The following RBFOX1 variants were observed in gnomAD, a reference collection of about 807,000 sequenced individuals.
The protein encoded by RBFOX1 is RNA binding protein fox-1 homolog 1.
In RBFOX1, 8 loss-of-function variants were observed where a neutral mutation model predicts 57.7. That is an observed-to-expected ratio of 0.14 (90% confidence interval 0.08 to 0.25). The LOEUF is 0.25. RBFOX1 is among the 10% of genes least tolerant of loss of function. The probability of loss-of-function intolerance (pLI) is 1.00; values close to 1 mark genes in which losing one functional copy is unlikely to be tolerated. For missense variants in RBFOX1, 611 were observed against 548.5 expected (o/e 1.11, Z -1.14); for synonymous variants, 326 against 222.4 (o/e 1.47, Z -4.15).
chr16:7,354,357 T>G (rs2097178326), intron 4 of RBFOX1, among the ~76,000 whole-genome samples: 2 of 152,242 alleles, frequency 1.3e-5, no homozygotes, highest in Admixed American at 1.3e-4. Flanking sequence ...TGTCATCAAA[T>G]TCTTTCTATT....
At chr16:6,829,361 G>A (rs1347892986) in intron 3 of RBFOX1, among the ~76,000 whole-genome samples, 2 of 151,220 alleles carry the variant, frequency 1.3e-5, no homozygotes, top group African/African-American at 4.9e-5. Flanking sequence ...TAAATTCAAT[G>A]TGTACACACA....
intron 1 of RBFOX1, among the ~76,000 whole-genome samples, chr16:5,454,617 A>T (rs1389092373): frequency 6.6e-6 from 1 of 152,162 alleles, no homozygotes; most frequent in Non-Finnish European, 1.5e-5. Context: ...TGGCCCTTGG[A>T]CTTGAACTAT....
At chr16:5,315,368 C>G (rs2064208025) in intron 1 of RBFOX1, among the ~76,000 whole-genome samples, 1 of 152,152 alleles carries the variant, frequency 6.6e-6, no homozygotes, top group Admixed American at 6.5e-5. Context: ...TAAATGGAGA[C>G]AGGGATGTGC....
intron 4 of RBFOX1, among the ~76,000 whole-genome samples, chr16:7,203,763 G>A (rs1445812173): frequency 2.0e-5 from 3 of 152,018 alleles, no homozygotes; most frequent in Non-Finnish European, 4.4e-5. Flanking sequence ...ACTCTTTCTC[G>A]AAATCTCCTC....
intron 2 of RBFOX1, among the ~76,000 whole-genome samples, chr16:6,585,603 G>C (rs2097598423): frequency 6.6e-6 from 1 of 152,078 alleles, no homozygotes; most frequent in Non-Finnish European, 1.5e-5. Flanking sequence ...CCAGTCTTGT[G>C]ATAGTGCTGT....
chr16:7,703,095 C>A (rs2081299695), intron 14 of RBFOX1, among the ~76,000 whole-genome samples: 1 of 146,906 alleles, frequency 6.8e-6, no homozygotes. Flanking sequence ...AAAGAGCATG[C>A]TTTTAGAACC....
At chr16:5,890,536 A>T (rs2058021963) in intron 4 of RBFOX1, among the ~76,000 whole-genome samples, 1 of 151,990 alleles carries the variant, frequency 6.6e-6, no homozygotes, top group African/African-American at 2.4e-5. Flanking sequence ...GTCTCTACTG[A>T]AAATAGAAAA....
intron 1 of RBFOX1, among the ~76,000 whole-genome samples, chr16:6,161,233 A>G (rs2096876355): frequency 6.6e-6 from 1 of 152,038 alleles, no homozygotes; most frequent in Admixed American, 6.6e-5. Flanking sequence ...TACTAAAAAT[A>G]CCAAAATTAG....
chr16:7,526,106 C>G (rs534026120), intron 5 of RBFOX1, among the ~76,000 whole-genome samples: 4 of 152,178 alleles, frequency 2.6e-5, no homozygotes, highest in Non-Finnish European at 4.4e-5. Context: ...AGCGTGAACC[C>G]TATTGTGAAC....
At chr16:6,529,601 A>G (rs2096628817) in intron 2 of RBFOX1, among the ~76,000 whole-genome samples, 1 of 151,720 alleles carries the variant, frequency 6.6e-6, no homozygotes, top group Non-Finnish European at 1.5e-5. Context: ...TATTTATCCT[A>G]AATGTAACAT....
At chr16:5,346,583 T>C (rs2065144850) in intron 1 of RBFOX1, among the ~76,000 whole-genome samples, 1 of 152,214 alleles carries the variant, frequency 6.6e-6, no homozygotes, top group African/African-American at 2.4e-5. Context: ...CTCTTGGATT[T>C]GTCATTTGCT....
At chr16:5,776,325 T>G (rs1014041132) in intron 3 of RBFOX1, among the ~76,000 whole-genome samples, 1 of 152,198 alleles carries the variant, frequency 6.6e-6, no homozygotes, top group Admixed American at 6.5e-5. Flanking sequence ...ACGCTTCCAC[T>G]CTGTGTGTTC....
chr16:7,446,162 C>G (rs1157964827), intron 4 of RBFOX1, among the ~76,000 whole-genome samples: 1 of 152,186 alleles, frequency 6.6e-6, no homozygotes, highest in African/African-American at 2.4e-5. Context: ...AGAGCATTGT[C>G]ATTGACAAAT....
chr16:5,555,796 C>T (rs1047803138), intron 2 of RBFOX1, among the ~76,000 whole-genome samples: 5 of 151,770 alleles, frequency 3.3e-5, no homozygotes, highest in East Asian at 2.0e-4. Flanking sequence ...CCTAGGTGGG[C>T]GGATCACCTG....
At chr16:7,518,479 A>C (rs1488307411) in intron 5 of RBFOX1, 90 bp downstream of exon 5, 11 of 1,498,514 alleles carry the variant, frequency 7.3e-6, no homozygotes, top group Non-Finnish European at 9.8e-6. Context: ...CCATCTACCC[A>C]GGGACTCTGG....
intron 3 of RBFOX1, among the ~76,000 whole-genome samples, chr16:6,992,986 C>T (rs191004582): frequency 1.3e-3 from 193 of 152,208 alleles, no homozygotes; most frequent in Middle Eastern, 6.8e-3. Flanking sequence ...AACATAAAGC[C>T]GAGAGCCTGA....
intron 4 of RBFOX1, among the ~76,000 whole-genome samples, chr16:5,911,700 G>T (rs973703862): frequency 6.6e-6 from 1 of 152,184 alleles, no homozygotes; most frequent in Non-Finnish European, 1.5e-5. Context: ...AGTCTGGGAA[G>T]TCCAGGATGA....
At chr16:5,686,050 G>T (rs2050495250) in intron 3 of RBFOX1, among the ~76,000 whole-genome samples, 1 of 152,218 alleles carries the variant, frequency 6.6e-6, no homozygotes, top group Non-Finnish European at 1.5e-5. Flanking sequence ...GATACTGCAT[G>T]TGGGTTCCCT....
chr16:7,444,186 C>T (rs1031651812), intron 4 of RBFOX1, among the ~76,000 whole-genome samples: 1 of 152,196 alleles, frequency 6.6e-6, no homozygotes, highest in African/African-American at 2.4e-5. Flanking sequence ...TGCAGGTCTT[C>T]CGTGTTAAGT....
Sources: allele counts gnomAD v4.1 joint callset (sites outside exome capture counted in the v4.1 genomes callset), GRCh38; gene constraint gnomAD v4.1.1; transcripts MANE v1.5; gene names NCBI Gene and HGNC (gene_info 2026-07-23, HGNC 2026-07-21).